The following ABI1 variants were observed in gnomAD, a reference collection of about 807,000 sequenced individuals.
ABI1 encodes abl interactor 1.
ABI1 carries 14 observed loss-of-function variants against 54.6 expected under a neutral mutation model. The observed-to-expected ratio is 0.26, with a 90% CI of 0.17 to 0.40. ABI1 has a LOEUF of 0.40. Among genes scored for constraint, ABI1 ranks in the 10% least tolerant of loss-of-function variants. ABI1 has a pLI of 1.00. For missense variants in ABI1, 443 were observed against 598.3 expected (o/e 0.74, Z 2.71); for synonymous variants, 194 against 209.3 (o/e 0.93, Z 0.63).
intron 1 of ABI1, among the ~76,000 whole-genome samples, chr10:26,838,041 TGAGA>T (rs200203182): frequency 0.038 from 5,710 of 150,744 alleles, 311 homozygotes; most frequent in African/African-American, 0.12. Flanking sequence ...TTTTTTTTTT[TGAGA>T]GAGAGTCTTG....
At chr10:26,793,551 C>T (rs561467833) in intron 2 of ABI1, among the ~76,000 whole-genome samples, 1 of 152,194 alleles carries the variant, frequency 6.6e-6, no homozygotes, top group African/African-American at 2.4e-5. Flanking sequence ...TTCTGGCCCA[C>T]GTCTAATTTT....
chr10:26,828,170 G>C (rs933819690), intron 1 of ABI1, among the ~76,000 whole-genome samples: 28 of 152,190 alleles, frequency 1.8e-4, no homozygotes, highest in African/African-American at 6.3e-4. Context: ...AGGCAATAGG[G>C]AGGCCCAAAG....
chr10:26,860,417 G>A lies in ABI1; in HGVS notation c.117+330C>T, dbSNP rs1033467257. 2.6e-5 allele frequency among the ~76,000 whole-genome samples: 4 copies of A among 152,164 alleles called. No homozygotes were observed. The highest frequency in any genetic ancestry group is 2.1e-4 in the South Asian group (1 of 4,834). On this transcript the variant is annotated intron_variant, in intron 1 of 10. Transcript: ENST00000376140. The surrounding 1 kb of genome is among the most constrained non-coding windows in gnomAD (Gnocchi z 4.1). ...CTGCGGACTGGAGGCTACCTGGGGG[G>A]CGCGCGACCCCGGTGGCCGGGCCCT...
At chr10:26,831,501 C>A (rs1434571232) in intron 1 of ABI1, among the ~76,000 whole-genome samples, 1 of 152,116 alleles carries the variant, frequency 6.6e-6, no homozygotes, top group Non-Finnish European at 1.5e-5. Flanking sequence ...CGAGATAGTG[C>A]CACTGCACTC....
rs1842583508 is a variant in ABI1 at position 26,785,162 on chromosome 10, G to A, written c.286-7921C>T. Among the ~76,000 whole-genome samples, 7 of 152,310 alleles carry A rather than the reference G, an allele frequency of 4.6e-5. No individual in the cohort carries two copies. The South Asian group carries it at 1.5e-3, about 32-fold the overall frequency. The stretch of plus-strand genomic sequence containing the variant: ...CTCTGTCGGTAAGATTAATCAGAGT[G>A]ACAAATGAAGTTGCATAATCATGGG... On this transcript the variant is annotated intron_variant, in intron 2 of 10. Coordinates refer to ENST00000376140, the MANE Select transcript of ABI1 (RefSeq NM_001012750.3).
intron 3 of ABI1, among the ~76,000 whole-genome samples, chr10:26,773,570 A>G (rs116434058): frequency 0.022 from 3,381 of 152,172 alleles, 93 homozygotes; most frequent in African/African-American, 0.071. Context: ...TTAAAAAAAA[A>G]TCTTCCTATG....
At chr10:26,848,610 T>A (rs1381369844) in intron 1 of ABI1, among the ~76,000 whole-genome samples, 3 of 136,646 alleles carry the variant, frequency 2.2e-5, no homozygotes, top group African/African-American at 9.5e-5. Flanking sequence ...AGAGGCTTTT[T>A]TTTTTTTTTT....
chr10:26,766,309 T>C (rs955338012), intron 6 of ABI1, among the ~76,000 whole-genome samples: 8 of 152,214 alleles, frequency 5.3e-5, no homozygotes, highest in African/African-American at 1.9e-4. Context: ...CCTCTAGTTG[T>C]TTCTAGTAAG....
intron 2 of ABI1, among the ~76,000 whole-genome samples, chr10:26,816,144 A>C (rs2047549466): frequency 6.6e-6 from 1 of 152,190 alleles, no homozygotes; most frequent in Non-Finnish European, 1.5e-5. Context: ...TTGTCCCCTA[A>C]ATGATAAGCC....
In ABI1 at chr10:26,860,683, TG is replaced by T; in HGVS notation, c.117+63del. ...CAGGGCAGTTCCCCACCCCGCCCAGTGGGCTGGTCACTCCGGCGGGTCCTCG... is the reference window on the plus strand; with the variant it reads ...CAGGGCAGTTCCCCACCCCGCCCAGTGGCTGGTCACTCCGGCGGGTCCTCG... On this transcript the variant is annotated intron_variant, in intron 1 of 10. Transcript: ENST00000376140. This position sits in a 1 kb window ranked among gnomAD's most constrained non-coding sequence, Gnocchi z 4.1. 1.5e-6 allele frequency: 2 copies of T among 1,339,696 alleles called. No individual in the cohort carries two copies. Among genetic ancestry groups the T allele is most frequent in the Non-Finnish European group, 1.1e-6 (1 of 935,060 alleles). The allele number at this position is 1,339,696 out of a possible 1,614,324, so 83.0% of individuals were successfully genotyped here. A position where few individuals can be genotyped will look rare whatever the true frequency, so the allele number is the denominator to read the frequency against.
intron 3 of ABI1, among the ~76,000 whole-genome samples, chr10:26,771,294 A>G (rs1053873449): frequency 4.6e-5 from 7 of 152,320 alleles, no homozygotes; most frequent in Admixed American, 3.9e-4. Context: ...CAAAAGAATT[A>G]TATTCATAAG....
intron 10 of ABI1, 140 bp from the exon 11 acceptor site, chr10:26,748,885 A>G: frequency 4.5e-6 from 3 of 673,970 alleles, no homozygotes; most frequent in Non-Finnish European, 7.4e-6. Context: ...CTATCAATAT[A>G]AGTAGGTCAG....
intron 1 of ABI1, among the ~76,000 whole-genome samples, chr10:26,828,317 C>T (rs1420186986): frequency 6.6e-6 from 1 of 152,098 alleles, no homozygotes; most frequent in Non-Finnish European, 1.5e-5. Flanking sequence ...ATCACCATAA[C>T]AGATACAGTA....
chr10:26,817,496 G>C (rs569183940), intron 2 of ABI1, among the ~76,000 whole-genome samples: 1 of 152,246 alleles, frequency 6.6e-6, no homozygotes, highest in African/African-American at 2.4e-5. Flanking sequence ...AATAAGCTGG[G>C]CACAATGGCA....
intron 9 of ABI1, among the ~76,000 whole-genome samples, chr10:26,753,000 A>G (rs1837828166): frequency 6.6e-6 from 1 of 152,152 alleles, no homozygotes; most frequent in South Asian, 2.1e-4. Context: ...TACGTGATCA[A>G]AGAAATCAGC....
At chr10:26,850,100 A>G (rs977304646) in intron 1 of ABI1, among the ~76,000 whole-genome samples, 4 of 152,222 alleles carry the variant, frequency 2.6e-5, no homozygotes, top group Admixed American at 6.5e-5. Context: ...TTTCCTTCAT[A>G]TACTTCAACC....
chr10:26,860,942 C>T lies in ABI1; in HGVS notation c.-79G>A. 4 of 1,329,114 alleles carry T rather than the reference C, an allele frequency of 3.0e-6. No homozygotes were observed. The highest frequency in any genetic ancestry group is 3.2e-6 in the Non-Finnish European group (3 of 928,208). 82.3% of individuals were successfully genotyped at this position (1,329,114 alleles called of 1,614,324 possible). A position where few individuals can be genotyped will look rare whatever the true frequency, so the allele number is the denominator to read the frequency against. Reference sequence around the variant, plus strand: ...GTCCGCCGAGGCTCCGAGCACCTCACAGCCCGGATACAAACCGCCTACCCG... The same window carrying T: ...GTCCGCCGAGGCTCCGAGCACCTCATAGCCCGGATACAAACCGCCTACCCG... On this transcript the variant is annotated 5_prime_UTR_variant, in exon 1 of 11. The change creates a new upstream start codon in the 5' untranslated region. Transcript: ENST00000376140. This position sits in a 1 kb window ranked among gnomAD's most constrained non-coding sequence, Gnocchi z 4.1.
intron 1 of ABI1, among the ~76,000 whole-genome samples, chr10:26,857,148 T>C (rs969809766): frequency 5.9e-5 from 9 of 151,694 alleles, no homozygotes; most frequent in East Asian, 1.9e-4. Context: ...GATGAAACCC[T>C]GCCTCTGCTA....
chr10:26,856,254 C>G (rs2050797711), intron 1 of ABI1, among the ~76,000 whole-genome samples: 2 of 144,550 alleles, frequency 1.4e-5, no homozygotes, highest in Admixed American at 1.4e-4. Flanking sequence ...GCCTGGGTGA[C>G]AGAGTAAGGC....
Sources: gnomAD v4.1 joint callset for allele counts (sites outside exome capture counted in the v4.1 genomes callset) on GRCh38, gnomAD v4.1.1 for gene constraint, Gnocchi (gnomAD v3.1) non-coding constraint, MANE v1.5 for transcripts, NCBI Gene and HGNC (gene_info 2026-07-23, HGNC 2026-07-21) for gene names.